The following PKIB variants were observed in gnomAD, a reference collection of about 807,000 sequenced individuals.
PKIB encodes cAMP-dependent protein kinase inhibitor beta, also known as PKI-beta.
A neutral mutation model predicts 4.5 loss-of-function variants in PKIB; 2 were observed. The ratio of observed to expected loss-of-function variants is 0.44; its 90% CI spans 0.18 to 1.39. The LOEUF (loss-of-function observed/expected upper bound fraction) is 1.39, where lower values mean the gene tolerates loss of function less well. PKIB is among the 40% of genes most tolerant of loss of function. PKIB has a pLI of 0.27. For missense variants in PKIB, 94 were observed against 92.6 expected, an observed-to-expected ratio of 1.02 and a Z score of -0.06; for synonymous variants, 38 against 36.0, an observed-to-expected ratio of 1.06 and a Z score of -0.20.
chr6:122,690,926 A>ATG (rs1778313276), intron 3 of PKIB, among the ~76,000 whole-genome samples: 1 of 38,404 alleles, frequency 2.6e-5, no homozygotes, highest in Non-Finnish European at 1.0e-4. Context: ...ATATATATAT[A>ATG]TATATATTTT....
intron 3 of PKIB, among the ~76,000 whole-genome samples, chr6:122,707,010 A>G (rs1779085919): frequency 6.6e-6 from 1 of 152,086 alleles, no homozygotes; most frequent in African/African-American, 2.4e-5. Flanking sequence ...TATTTAACTT[A>G]TATAGTACTA....
At chr6:122,654,847 A>T (rs1460340273) in intron 2 of PKIB, among the ~76,000 whole-genome samples, 1 of 152,154 alleles carries the variant, frequency 6.6e-6, no homozygotes, top group African/African-American at 2.4e-5. Context: ...TTTTTCTTGT[A>T]GGAGAAAAAT....
At chr6:122,494,022 G>A (rs960539925) in intron 2 of PKIB, among the ~76,000 whole-genome samples, 3 of 151,918 alleles carry the variant, frequency 2.0e-5, no homozygotes, top group Non-Finnish European at 4.4e-5. Context: ...AGACATATAT[G>A]CCCATGTTAA....
chr6:122,649,509 G>A (rs1449358558), intron 2 of PKIB, among the ~76,000 whole-genome samples: 1 of 152,156 alleles, frequency 6.6e-6, no homozygotes, highest in African/African-American at 2.4e-5. Context: ...GGTACTGACT[G>A]GTAGAGAGAA....
In PKIB at chr6:122,499,122, T is replaced by C. The variant is rs528546345; in HGVS notation, c.-248+21183T>C. Reference sequence around the variant, plus strand: ...TGGATCAGATGGATTCACAGCCTAATTCTACCAGACATACAAAGAAGAGTT... The same window carrying C: ...TGGATCAGATGGATTCACAGCCTAACTCTACCAGACATACAAAGAAGAGTT... On this transcript the variant is annotated intron_variant, in intron 2 of 6. Transcript: ENST00000392491. Among the ~76,000 whole-genome samples the C allele has an allele frequency of 8.2e-4, 125 of 152,304 alleles. 6 individuals are homozygous for C. The South Asian group carries it at 0.025, about 30-fold the overall frequency.
intron 2 of PKIB, among the ~76,000 whole-genome samples, chr6:122,537,083 G>A (rs1177586613): frequency 1.3e-5 from 2 of 151,830 alleles, no homozygotes; most frequent in African/African-American, 2.4e-5. Context: ...TTATACTGGT[G>A]CTGCCTTTTC....
At chr6:122,694,028 G>A (rs9401571) in intron 3 of PKIB, among the ~76,000 whole-genome samples, 73,026 of 151,970 alleles carry the variant, frequency 0.48, 18,311 homozygotes, top group Non-Finnish European at 0.56. Context: ...TTCCAAGGTC[G>A]TGCGTATGCA....
intron 3 of PKIB, among the ~76,000 whole-genome samples, chr6:122,693,483 T>C (rs542720846): frequency 2.0e-5 from 3 of 152,358 alleles, no homozygotes; most frequent in African/African-American, 7.2e-5. Context: ...CAAAGGACAA[T>C]ATTTGAAAGA....
At chr6:122,505,803 A>G (rs1052578632) in intron 2 of PKIB, among the ~76,000 whole-genome samples, 3 of 152,138 alleles carry the variant, frequency 2.0e-5, no homozygotes, top group Non-Finnish European at 4.4e-5. Context: ...ATCACATTGT[A>G]TTTGTAATTG....
intron 2 of PKIB, among the ~76,000 whole-genome samples, chr6:122,515,308 A>G (rs536408387): frequency 6.6e-6 from 1 of 152,320 alleles, no homozygotes; most frequent in South Asian, 2.1e-4. Context: ...AGCTCAATAA[A>G]TATTAAACAT....
intron 2 of PKIB, among the ~76,000 whole-genome samples, chr6:122,667,201 T>C (rs1777254920): frequency 6.6e-6 from 1 of 152,218 alleles, no homozygotes; most frequent in African/African-American, 2.4e-5. Context: ...TATTTTATAA[T>C]TAACATCAAA....
At chr6:122,704,486 A>G (rs1239992464) in intron 3 of PKIB, among the ~76,000 whole-genome samples, 4 of 152,148 alleles carry the variant, frequency 2.6e-5, no homozygotes, top group Non-Finnish European at 5.9e-5. Flanking sequence ...AATGAAGATA[A>G]AAATAGATCT....
intron 4 of PKIB, among the ~76,000 whole-genome samples, chr6:122,720,245 T>C (rs765613139): frequency 6.6e-6 from 1 of 152,216 alleles, no homozygotes; most frequent in Non-Finnish European, 1.5e-5. Context: ...TCAAGTGTTT[T>C]GCATGCTGCA....
At chr6:122,532,035 G>T (rs571436525) in intron 2 of PKIB, among the ~76,000 whole-genome samples, 2 of 152,168 alleles carry the variant, frequency 1.3e-5, no homozygotes, top group South Asian at 4.1e-4. Flanking sequence ...TTAGCTTGAC[G>T]CCTCCATAAA....
chr6:122,614,070 A>G (rs1427497310), intron 1 of PKIB, among the ~76,000 whole-genome samples: 2 of 152,024 alleles, frequency 1.3e-5, no homozygotes, highest in South Asian at 4.1e-4. Context: ...GGCAAATAGC[A>G]GTATTATGTG....
At chr6:122,565,269 A>C (rs903183672) in intron 2 of PKIB, among the ~76,000 whole-genome samples, 1 of 152,180 alleles carries the variant, frequency 6.6e-6, no homozygotes, top group Non-Finnish European at 1.5e-5. Flanking sequence ...GTTCTTGGGA[A>C]GGTCCTGGAG....
chr6:122,577,517 A>G (rs1445008475), intron 2 of PKIB, among the ~76,000 whole-genome samples: 1 of 152,182 alleles, frequency 6.6e-6, no homozygotes, highest in Non-Finnish European at 1.5e-5. Context: ...TCTTGAAAAA[A>G]CTACCCATTT....
intron 3 of PKIB, among the ~76,000 whole-genome samples, chr6:122,681,974 T>C (rs1166142317): frequency 6.6e-6 from 1 of 152,184 alleles, no homozygotes; most frequent in African/African-American, 2.4e-5. Context: ...GAACAACTGA[T>C]TGAACTGTGG....
intron 2 of PKIB, among the ~76,000 whole-genome samples, chr6:122,535,336 T>G (rs1056731707): frequency 3.3e-5 from 5 of 152,202 alleles, no homozygotes; most frequent in Admixed American, 6.5e-5. Flanking sequence ...CTCTTTTTCT[T>G]TCTTCCCTAA....
Sources: allele counts gnomAD v4.1 joint callset (sites outside exome capture counted in the v4.1 genomes callset), GRCh38; gene constraint gnomAD v4.1.1; transcripts MANE v1.5; gene names NCBI Gene and HGNC (gene_info 2026-07-23, HGNC 2026-07-21).